The following SORCS2 variants were observed in gnomAD, a reference collection of about 807,000 sequenced individuals.
SORCS2 encodes the protein sortilin related VPS10 domain containing receptor 2.
Under a neutral mutation model 141.6 loss-of-function variants are expected in SORCS2, and 100 were observed. That is an observed-to-expected ratio of 0.71 (90% CI 0.60 to 0.83). The LOEUF (loss-of-function observed/expected upper bound fraction) is 0.83, where lower values mean the gene tolerates loss of function less well. SORCS2 is among the 40% of genes least tolerant of loss of function. The probability of loss-of-function intolerance (pLI) is 0.00; values close to 1 mark genes in which losing one functional copy is unlikely to be tolerated. For missense variants in SORCS2, 1,646 were observed against 1,560.2 expected (o/e 1.05, Z -0.93); for synonymous variants, 789 against 676.9 (o/e 1.17, Z -2.57).
chr4:7,302,943 T>C (rs998565247), intron 1 of SORCS2, among the ~76,000 whole-genome samples: 2 of 152,202 alleles, frequency 1.3e-5, no homozygotes, highest in Non-Finnish European at 2.9e-5. Flanking sequence ...GAGGTTTGTG[T>C]GCCCCTAGCT....
Position 7,601,616 on chromosome 4 carries a change from C to CAAAA in SORCS2, c.649-36691_649-36688dup, listed in dbSNP as rs1168678841. Among the ~76,000 whole-genome samples the CAAAA allele has an allele frequency of 4.8e-3, 221 of 45,624 alleles. 11 individuals are homozygous for CAAAA. Among genetic ancestry groups the CAAAA allele is most frequent in the African/African-American group, 0.017 (215 of 13,006 alleles). 29.9% of individuals were successfully genotyped at this position (45,624 alleles called of 152,430 possible). On this transcript the variant is annotated intron_variant, in intron 3 of 26. Transcript: ENST00000507866. ...CCTGGGCGACAAAGCAAGACTCTCT[C>CAAAA]AAAAAAAAAAAAAAAAAAAAAAAAG...
In SORCS2 at chr4:7,254,643, C is replaced by G. The variant is rs115650979; in HGVS notation, c.480+61517C>G. On this transcript the variant is annotated intron_variant, in intron 1 of 26. Transcript: ENST00000507866. ...TGCACATGTGCCCTATAAATCTGTA[C>G]AAATAAAAAGGAAAAAAAGAGGGGC... Among the ~76,000 whole-genome samples, 950 of 152,106 alleles carry G rather than the reference C, an allele frequency of 6.2e-3. 9 individuals are homozygous for G. The highest frequency in any genetic ancestry group is 0.021 in the African/African-American group (892 of 41,490).
chr4:7,248,374 C>A (rs1163713052), intron 1 of SORCS2, among the ~76,000 whole-genome samples: 1 of 152,194 alleles, frequency 6.6e-6, no homozygotes, highest in Non-Finnish European at 1.5e-5. Flanking sequence ...TTATAATCAC[C>A]ACACCAGGTG....
chr4:7,732,985 AC>A (rs1335610112), intron 23 of SORCS2, among the ~76,000 whole-genome samples: 1 of 102,888 alleles, frequency 9.7e-6, no homozygotes, highest in Admixed American at 9.6e-5. Context: ...TCCCAGAGCC[AC>A]CCCCCAACTC....
chr4:7,608,689 T>C (rs57495657), intron 3 of SORCS2, among the ~76,000 whole-genome samples: 47,872 of 152,104 alleles, frequency 0.31, 7,998 homozygotes, highest in African/African-American at 0.37. Flanking sequence ...CAGGACCTGA[T>C]GCCAGGCTTC....
chr4:7,385,383 C>T (rs1394088698), intron 1 of SORCS2, among the ~76,000 whole-genome samples: 1 of 152,180 alleles, frequency 6.6e-6, no homozygotes, highest in East Asian at 1.9e-4. Flanking sequence ...AGCTGGCTTC[C>T]TCAGGGACCA....
intron 1 of SORCS2, among the ~76,000 whole-genome samples, chr4:7,373,213 G>T (rs1722372744): frequency 6.6e-6 from 1 of 151,468 alleles, no homozygotes; most frequent in Non-Finnish European, 1.5e-5. Context: ...AGGTATGAGA[G>T]TTCTGGTTGC....
chr4:7,250,402 C>T (rs1048734890), intron 1 of SORCS2, among the ~76,000 whole-genome samples: 3 of 152,220 alleles, frequency 2.0e-5, no homozygotes, highest in African/African-American at 4.8e-5. Context: ...ACGGGAAACA[C>T]GCTGGCTCTT....
At position 7,735,210 on chromosome 4, in the gene SORCS2, A is replaced by C. The variant is rs1359491728; in HGVS notation, c.3311+836A>C. Among the ~76,000 whole-genome samples the C allele has an allele frequency of 3.3e-5, 5 of 152,312 alleles. No individual in the cohort carries two copies. In the East Asian group the frequency reaches 9.7e-4, roughly 29 times the overall value. The stretch of plus-strand genomic sequence containing the variant: ...CTGCTGGTTCAGCTCCGGGGGCCCC[A>C]GTCTCCCCATCGGGGTCACCCTTGA... On this transcript the variant is annotated intron_variant, in intron 25 of 26. Transcript: ENST00000507866.
intron 3 of SORCS2, among the ~76,000 whole-genome samples, chr4:7,594,720 A>G (rs1212573095): frequency 6.6e-6 from 1 of 152,064 alleles, no homozygotes; most frequent in Non-Finnish European, 1.5e-5. Flanking sequence ...CTTAGTGTCT[A>G]TGAGTGGGTG....
At chr4:7,338,420 A>ATGG (rs1201447514) in intron 1 of SORCS2, among the ~76,000 whole-genome samples, 10 of 127,756 alleles carry the variant, frequency 7.8e-5, no homozygotes, top group African/African-American at 3.4e-4. Flanking sequence ...GGTTGGATGG[A>ATGG]AGGATGGATG....
chr4:7,434,500 TCCGGGGCCCCACGGAGCATG>T, intron 2 of SORCS2: 1 of 1,612,402 alleles, frequency 6.2e-7, no homozygotes, highest in Non-Finnish European at 8.5e-7. Flanking sequence ...CGGGGCACTG[TCCGGGGCCCCACGGAGCATG>T]CTCAGGATGG....
chr4:7,468,143 C>A (rs1459955710), intron 2 of SORCS2, among the ~76,000 whole-genome samples: 4 of 152,268 alleles, frequency 2.6e-5, no homozygotes, highest in Admixed American at 1.3e-4. Context: ...CTCTGCCACC[C>A]TCTTCTGAGC....
chr4:7,611,397 C>G (rs982119290), intron 3 of SORCS2, among the ~76,000 whole-genome samples: 6 of 152,166 alleles, frequency 3.9e-5, no homozygotes, highest in African/African-American at 1.4e-4. Context: ...CACATAGATT[C>G]CTTCCGCCCT....
At chr4:7,593,489 C>T (rs183628925) in intron 3 of SORCS2, among the ~76,000 whole-genome samples, 321 of 152,296 alleles carry the variant, frequency 2.1e-3, no homozygotes, top group Non-Finnish European at 3.7e-3. Context: ...CCATGAGAGA[C>T]CCGGATGTCC....
chr4:7,310,887 A>C (rs1340620132), intron 1 of SORCS2, among the ~76,000 whole-genome samples: 1 of 152,256 alleles, frequency 6.6e-6, no homozygotes, highest in Non-Finnish European at 1.5e-5. Flanking sequence ...AGCTAGAACA[A>C]CATACCAGCT....
At chr4:7,223,878 AGT>A (rs879650698) in intron 1 of SORCS2, among the ~76,000 whole-genome samples, 70,924 of 132,700 alleles carry the variant, frequency 0.53, 16,556 homozygotes, top group East Asian at 0.59. Flanking sequence ...GTGGCTGTTA[AGT>A]GCTGTTAAGG....
rs116316453 is a variant in SORCS2 at position 7,615,859 on chromosome 4, C to A, written c.649-22469C>A. On this transcript the variant is annotated intron_variant, in intron 3 of 26. Transcript: ENST00000507866. Reference sequence around the variant, plus strand: ...AAACCCACTTCAGTGGCTCCATTCTCTCATAGGGCTGCCAGCTTAAACAAA... The same window carrying A: ...AAACCCACTTCAGTGGCTCCATTCTATCATAGGGCTGCCAGCTTAAACAAA... Among the ~76,000 whole-genome samples, 1,005 of 152,322 alleles carry A rather than the reference C, an allele frequency of 6.6e-3. 13 individuals are homozygous for A. Among genetic ancestry groups the A allele is most frequent in the Middle Eastern group, 0.041 (12 of 294 alleles).
intron 8 of SORCS2, among the ~76,000 whole-genome samples, chr4:7,670,821 C>G: frequency 6.6e-6 from 1 of 152,166 alleles, no homozygotes; most frequent in Middle Eastern, 3.4e-3. Flanking sequence ...CGGGAGGGTG[C>G]AGGGGTGCCA....
Sources: gnomAD v4.1 joint callset for allele counts (sites outside exome capture counted in the v4.1 genomes callset) on GRCh38, gnomAD v4.1.1 for gene constraint, MANE v1.5 for transcripts, NCBI Gene and HGNC (gene_info 2026-07-23, HGNC 2026-07-21) for gene names.